LZTFL1: variants seen among roughly 807,000 people sequenced by gnomAD.
LZTFL1 encodes leucine zipper transcription factor like 1, also known as leucine zipper transcription factor-like protein 1.
LZTFL1 carries 25 observed loss-of-function variants against 45.9 expected under a neutral mutation model. That is an observed-to-expected ratio of 0.54 (90% CI 0.40 to 0.76). The LOEUF (loss-of-function observed/expected upper bound fraction) is 0.76. Among genes scored for constraint, LZTFL1 ranks in the 30% least tolerant of loss-of-function variants. The pLI is 0.00. For synonymous variants in LZTFL1, 93 were observed against 117.4 expected, an observed-to-expected ratio of 0.79 and a Z score of 1.35; for missense variants, 277 against 331.1, an observed-to-expected ratio of 0.84 and a Z score of 1.27.
At position 45,828,755 on chromosome 3, in the gene LZTFL1, G is replaced by GTT. The variant is rs370435765; in HGVS notation, c.601-141_601-140insAA. The GTT allele has an allele frequency of 1.6e-3, 1,119 of 717,180 alleles. 7 individuals are homozygous for GTT. In the African/African-American group the frequency reaches 0.017, roughly 11 times the overall value. 44.4% of individuals were successfully genotyped at this position (717,180 alleles called of 1,614,324 possible). A position where few individuals can be genotyped will look rare whatever the true frequency, so the allele number is the denominator to read the frequency against. ...ATGCCAGCCTCCCTTGCCAGCCTAG[G>GTT]TAAGTGCCAGCCCCTTCAGAGTCAC... On this transcript the variant is annotated intron_variant, in intron 7 of 9. Coordinates refer to ENST00000296135, the MANE Select transcript of LZTFL1 (RefSeq NM_020347.4).
rs1700602082 is a variant in LZTFL1, at chr3:45,823,971, T to C, written c.*2343A>G. The C allele has an allele frequency of 6.6e-6, 1 of 152,176 alleles. No homozygotes were observed. The highest frequency in any genetic ancestry group is 2.4e-5 in the African/African-American group (1 of 41,430). 9.4% of individuals were successfully genotyped at this position (152,176 alleles called of 1,614,324 possible). On this transcript the variant is annotated 3_prime_UTR_variant, in exon 10 of 10. Transcript: ENST00000296135. ...AGGGCAGTATTTTTCTTATGCTGAG[T>C]TTTATAAGACATAAGCAAATTATCA...
At chr3:45,828,703 GA>G (rs1700734344) in intron 7 of LZTFL1, 88 bp from the exon 8 acceptor site, 8 of 1,158,912 alleles carry the variant, frequency 6.9e-6, no homozygotes, top group Non-Finnish European at 9.9e-6. Context: ...CATAGGAGAT[GA>G]AAAAAATGAT....
intron 2 of LZTFL1, among the ~76,000 whole-genome samples, chr3:45,887,561 G>T (rs1702020379): frequency 6.6e-6 from 1 of 152,244 alleles, no homozygotes; most frequent in Non-Finnish European, 1.5e-5. Flanking sequence ...CATCCAGAGA[G>T]TGGTCACTGT....
Position 45,827,393 on chromosome 3 carries a change from T to C in LZTFL1, c.844A>G (p.Asn282Asp). 1 of 1,614,050 alleles carries C rather than the reference T, an allele frequency of 6.2e-7. No homozygotes were observed. Among genetic ancestry groups the C allele is most frequent in the East Asian group, 2.2e-5 (1 of 44,878 alleles). Residue 282 changes from asparagine (N) to aspartate (D), a missense_variant, in exon 9 of 10, where the codon AAT (asparagine) becomes GAT (aspartate). By Grantham distance (23) the Asn-to-Asp change is conservative. Coordinates refer to ENST00000296135, the MANE Select transcript of LZTFL1 (RefSeq NM_020347.4). ...RNMKEILTKK[N>D]DQIKDLRKRL... is the part of the protein sequence containing the mutation. ...TTCCTCAGATCTTTGATTTGGTCATTCTTCTTGGTAAGAATCTCTTTCATG... is the reference window on the plus strand; with the variant it reads ...TTCCTCAGATCTTTGATTTGGTCATCCTTCTTGGTAAGAATCTCTTTCATG...
At chr3:45,828,059 A>C (rs2125676019) in intron 8 of LZTFL1, among the ~76,000 whole-genome samples, 1 of 152,182 alleles carries the variant, frequency 6.6e-6, no homozygotes, top group East Asian at 1.9e-4. Context: ...AGCTCTCTAC[A>C]TATTTTATAT....
chr3:45,893,651 A>G (rs1446751422), intron 2 of LZTFL1, among the ~76,000 whole-genome samples: 1 of 152,196 alleles, frequency 6.6e-6, no homozygotes, highest in Non-Finnish European at 1.5e-5. Context: ...TCCCTATTCC[A>G]TTGGACGGAT....
At chr3:45,905,108 C>A (rs922921182) in intron 2 of LZTFL1, among the ~76,000 whole-genome samples, 1 of 152,158 alleles carries the variant, frequency 6.6e-6, no homozygotes, top group African/African-American at 2.4e-5. Flanking sequence ...GTTTTAGATA[C>A]TCAAAAAAAA....
At chr3:45,864,123 G>A (rs567263346) in intron 2 of LZTFL1, among the ~76,000 whole-genome samples, 6 of 152,288 alleles carry the variant, frequency 3.9e-5, no homozygotes, top group Admixed American at 2.0e-4. Context: ...AACAAAAGTA[G>A]ACATTTAACC....
intron 2 of LZTFL1, 53 bp from the exon 3 acceptor site, chr3:45,835,837 C>A (rs991710819): frequency 3.9e-6 from 5 of 1,290,892 alleles, no homozygotes; most frequent in East Asian, 4.8e-5. Context: ...GAAAAATCTA[C>A]AAAATACAGC....
rs571572747 is a variant in LZTFL1, at chr3:45,907,446, G to C, written c.-215+5674C>G. On this transcript the variant is annotated intron_variant, in intron 2 of 4. Coordinates refer to the LZTFL1 transcript ENST00000472635. ...TGCTTCAAGGAACCTGTCTCTTCCT[G>C]CATCTGCTGCAGCATCCTTCTGCAG... is the stretch of plus-strand genomic sequence containing the variant. Among the ~76,000 whole-genome samples, 6 of 152,322 alleles carry C rather than the reference G, an allele frequency of 3.9e-5. No individual in the cohort carries two copies. In the South Asian group the frequency reaches 1.2e-3, roughly 32 times the overall value.
chr3:45,894,792 TA>T, intron 2 of LZTFL1: 1 of 755,696 alleles, frequency 1.3e-6, no homozygotes, highest in Non-Finnish European at 2.3e-6. Context: ...CTGCTTGGAA[TA>T]TTTTTTTCAG....
intron 2 of LZTFL1, among the ~76,000 whole-genome samples, chr3:45,867,060 A>G (rs543113876): frequency 1.3e-5 from 2 of 148,472 alleles, no homozygotes; most frequent in South Asian, 4.3e-4. Flanking sequence ...AGGCAGGAGA[A>G]TCGCTTGAAC....
chr3:45,874,573 T>A (rs897379237), intron 2 of LZTFL1, among the ~76,000 whole-genome samples: 27 of 152,158 alleles, frequency 1.8e-4, no homozygotes. Context: ...TTCCCTTCCC[T>A]TCCCACCACT....
At chr3:45,862,905 G>A (rs1701514097) in intron 2 of LZTFL1, among the ~76,000 whole-genome samples, 1 of 152,272 alleles carries the variant, frequency 6.6e-6, no homozygotes, top group African/African-American at 2.4e-5. Context: ...AGATGATCTC[G>A]CCTTTGTTCT....
intron 1 of LZTFL1, among the ~76,000 whole-genome samples, chr3:45,915,025 T>C (rs1247076736): frequency 2.6e-5 from 4 of 152,106 alleles, no homozygotes; most frequent in Non-Finnish European, 5.9e-5. Flanking sequence ...TTGTGAAAGC[T>C]TGCAGGGCCC....
intron 2 of LZTFL1, among the ~76,000 whole-genome samples, chr3:45,890,036 C>T (rs766093061): frequency 2.7e-5 from 4 of 150,844 alleles, no homozygotes; most frequent in African/African-American, 4.9e-5. Context: ...TAAATTTATA[C>T]TCCTCACAGC....
chr3:45,832,339 C>A (rs1050427941), intron 5 of LZTFL1, among the ~76,000 whole-genome samples: 5 of 152,056 alleles, frequency 3.3e-5, no homozygotes, highest in Non-Finnish European at 5.9e-5. Context: ...GTTGAGAATA[C>A]AAGGGTCATG....
At chr3:45,884,388 C>G (rs1575288053) in intron 2 of LZTFL1, among the ~76,000 whole-genome samples, 1 of 152,146 alleles carries the variant, frequency 6.6e-6, no homozygotes, top group Non-Finnish European at 1.5e-5. Context: ...GACTTCCTTG[C>G]GTCTTCCCTT....
At chr3:45,845,947 G>T (rs753279257), upstream of LZTFL1, among the ~76,000 whole-genome samples, 5 of 152,182 alleles carry the variant, frequency 3.3e-5, no homozygotes, top group Non-Finnish European at 7.3e-5. Flanking sequence ...GCTTATATGA[G>T]TTTGTCTTCC....
Sources: allele counts gnomAD v4.1 joint callset (sites outside exome capture counted in the v4.1 genomes callset), GRCh38; gene constraint gnomAD v4.1.1; transcripts MANE v1.5; gene names NCBI Gene and HGNC (gene_info 2026-07-23, HGNC 2026-07-21).